The following LHX8 variants were observed in gnomAD, a reference collection of about 807,000 sequenced individuals.
LHX8 encodes LIM homeobox 8, also known as LIM/homeobox protein Lhx8.
LHX8 carries 12 observed loss-of-function variants against 40.3 expected under a neutral mutation model. The ratio of observed to expected loss-of-function variants is 0.30; its 90% CI spans 0.19 to 0.48. The LOEUF (loss-of-function observed/expected upper bound fraction) is 0.48. LHX8 is among the 20% of genes least tolerant of loss of function. The pLI is 0.99. For missense variants in LHX8, 344 were observed against 433.7 expected (o/e 0.79, Z 1.84); for synonymous variants, 179 against 162.0 (o/e 1.10, Z -0.80).
At chr1:75,133,138 G>A (rs141277299), upstream of LHX8, 2 of 152,236 alleles carry the variant, frequency 1.3e-5, no homozygotes, top group South Asian at 4.1e-4. Flanking sequence ...ATCTCCCAGA[G>A]AGGACCGGCA....
At chr1:75,185,789 G>A in the LHX8 span, among the ~76,000 whole-genome samples, 2 of 152,148 alleles carry the variant, frequency 1.3e-5, no homozygotes, top group South Asian at 2.1e-4. Context: ...CTTATATCTC[G>A]AAAACCCAAG....
the LHX8 span, among the ~76,000 whole-genome samples, chr1:75,182,526 A>T: frequency 6.6e-6 from 1 of 152,038 alleles, no homozygotes; most frequent in Non-Finnish European, 1.5e-5. Flanking sequence ...GGCATGTGCC[A>T]CCACACCCAG....
chr1:75,182,625 G>T, the LHX8 span, among the ~76,000 whole-genome samples: 1 of 152,004 alleles, frequency 6.6e-6, no homozygotes, highest in African/African-American at 2.4e-5. Context: ...TGCCCACCTC[G>T]GCCTCCCAAA....
At chr1:75,130,636 T>G (rs1306157480), upstream of LHX8, 3 of 1,270,766 alleles carry the variant, frequency 2.4e-6, no homozygotes. Flanking sequence ...AAACTGTGGG[T>G]AGCAAGGTAT....
chr1:75,188,159 T>A, the LHX8 span, among the ~76,000 whole-genome samples: 1 of 152,114 alleles, frequency 6.6e-6, no homozygotes, highest in East Asian at 1.9e-4. Flanking sequence ...TAAATTACTG[T>A]TTTGTTGTTG....
downstream of LHX8, among the ~76,000 whole-genome samples, chr1:75,165,795 T>G (rs1490997538): frequency 6.6e-6 from 1 of 152,164 alleles, no homozygotes; most frequent in Non-Finnish European, 1.5e-5. Context: ...TTTCAAATCC[T>G]TAAGGAAAAT....
At chr1:75,171,936 TG>T in the LHX8 span, among the ~76,000 whole-genome samples, 2 of 152,174 alleles carry the variant, frequency 1.3e-5, no homozygotes, top group African/African-American at 4.8e-5. Flanking sequence ...GCCAACATCT[TG>T]GCAGAATGAT....
the LHX8 span, among the ~76,000 whole-genome samples, chr1:75,181,885 T>A: frequency 6.6e-6 from 1 of 152,188 alleles, no homozygotes; most frequent in East Asian, 1.9e-4. Context: ...TTCTTGTAGA[T>A]TCTGGATATT....
the LHX8 span, among the ~76,000 whole-genome samples, chr1:75,195,513 T>G: frequency 6.6e-6 from 1 of 152,150 alleles, no homozygotes; most frequent in Admixed American, 6.5e-5. Context: ...TCTCAGTCAT[T>G]GTGTACTCCA....
intron 7 of LHX8, among the ~76,000 whole-genome samples, chr1:75,149,248 G>C (rs1199669494): frequency 6.6e-6 from 1 of 152,216 alleles, no homozygotes; most frequent in African/African-American, 2.4e-5. Context: ...ATTAGTGCAA[G>C]TTTTTTCAAA....
chr1:75,139,063 T>TA lies in LHX8; in HGVS notation c.237+1803dup, dbSNP rs1417317557. On this transcript the variant is annotated intron_variant, in intron 3 of 8. Coordinates refer to ENST00000356261, the MANE Select transcript of LHX8 (RefSeq NM_001256114.2). ...GAGTCACTGATTTAAAAAAAAAAGT[T>TA]AGACCTAGTATAGAAATATTATTTT... 3.0e-4 allele frequency among the ~76,000 whole-genome samples: 46 copies of TA among 152,086 alleles called. 1 individual carries two copies. The highest frequency in any genetic ancestry group is 3.0e-3 in the Admixed American group (46 of 15,274).
chr1:75,133,548 C>G (rs1648028926), upstream of LHX8, among the ~76,000 whole-genome samples: 1 of 152,144 alleles, frequency 6.6e-6, no homozygotes, highest in African/African-American at 2.4e-5. Context: ...AGAAGTTTAG[C>G]TTTTTAAATG....
chr1:75,178,398 T>TG, the LHX8 span, among the ~76,000 whole-genome samples: 21 of 152,256 alleles, frequency 1.4e-4, no homozygotes, highest in South Asian at 8.3e-4. Flanking sequence ...GGTTTAGTCT[T>TG]GGGGGGGTGT....
At chr1:75,159,881 C>T (rs1191094453) in intron 8 of LHX8, 1 of 152,116 alleles carries the variant, frequency 6.6e-6, no homozygotes, top group East Asian at 1.9e-4. Context: ...CTTAAGAGGG[C>T]TGGTATATTT....
chr1:75,157,113 A>C (rs912751905), intron 8 of LHX8, 37 bp downstream of exon 8: 1 of 1,585,852 alleles, frequency 6.3e-7, no homozygotes, highest in Non-Finnish European at 8.7e-7. Context: ...TCTCCCAGGC[A>C]ATCAGCAACT....
chr1:75,129,018 C>T (rs1298175455), intron 1 of LHX8, among the ~76,000 whole-genome samples: 2 of 152,164 alleles, frequency 1.3e-5, no homozygotes, highest in African/African-American at 4.8e-5. Context: ...ACATCCAGAC[C>T]TCTCTAGAGA....
the LHX8 span, among the ~76,000 whole-genome samples, chr1:75,179,508 T>G: frequency 7.1e-4 from 107 of 149,932 alleles, 2 homozygotes; most frequent in East Asian, 0.018. Context: ...TGTTGTTTTT[T>G]TTTTTTTTTT....
intron 8 of LHX8, chr1:75,160,118 G>C (rs1463890347): frequency 6.6e-6 from 1 of 151,968 alleles, no homozygotes; most frequent in Non-Finnish European, 1.5e-5. Flanking sequence ...CCTTGCGGGA[G>C]GAAAAGCATC....
At chr1:75,168,800 G>C in the LHX8 span, among the ~76,000 whole-genome samples, 1 of 152,066 alleles carries the variant, frequency 6.6e-6, no homozygotes, top group Non-Finnish European at 1.5e-5. Flanking sequence ...CTATGTAACC[G>C]TGGGCATATC....
Sources: gnomAD v4.1 joint callset for allele counts (sites outside exome capture counted in the v4.1 genomes callset) on GRCh38, gnomAD v4.1.1 for gene constraint, MANE v1.5 for transcripts, NCBI Gene and HGNC (gene_info 2026-07-23, HGNC 2026-07-21) for gene names.